The following MGAT4C variants were observed in gnomAD, a reference collection of about 807,000 sequenced individuals.
MGAT4C encodes the protein MGAT4 family member C, also known as alpha-1,3-mannosyl-glycoprotein 4-beta-N-acetylglucosaminyltransferase C.
In MGAT4C, 19 loss-of-function variants were observed where a neutral mutation model predicts 40.1. The ratio of observed to expected loss-of-function variants is 0.47; its 90% CI spans 0.33 to 0.70. MGAT4C has a LOEUF of 0.70. MGAT4C is among the 30% of genes least tolerant of loss of function. The probability of loss-of-function intolerance (pLI) is 0.02; values close to 1 mark genes in which losing one functional copy is unlikely to be tolerated. For missense variants in MGAT4C, 491 were observed against 563.2 expected, an observed-to-expected ratio of 0.87 and a Z score of 1.30; for synonymous variants, 181 against 187.1, an observed-to-expected ratio of 0.97 and a Z score of 0.27.
intron 1 of MGAT4C, among the ~76,000 whole-genome samples, chr12:86,079,516 T>C (rs1185490051): frequency 4.4e-4 from 67 of 152,208 alleles, no homozygotes; most frequent in Non-Finnish European, 1.5e-5. Context: ...TTAAAATATC[T>C]AAGGACAGCC....
chr12:86,060,020 A>G lies in MGAT4C; in HGVS notation c.-56-10297T>C, dbSNP rs545119565. On this transcript the variant is annotated intron_variant, in intron 1 of 4. Transcript: ENST00000611864. ...TTTTCTTTTGTTATTTCTTGGAGGG[A>G]GAGAGGGAAACACGCAAACATGGCT... 7.9e-4 allele frequency among the ~76,000 whole-genome samples: 120 copies of G among 152,284 alleles called. 1 individual carries two copies. The highest frequency in any genetic ancestry group is 3.5e-3 in the Admixed American group (54 of 15,292).
intron 1 of MGAT4C, among the ~76,000 whole-genome samples, chr12:86,743,045 TGCATGTGTGTA>T (rs892201275): frequency 1.4e-5 from 2 of 147,004 alleles, no homozygotes; most frequent in Non-Finnish European, 3.0e-5. Context: ...ATGTGTGTTT[TGCATGTGTGTA>T]TGTGTATGTG....
intron 4 of MGAT4C, among the ~76,000 whole-genome samples, chr12:86,317,377 G>A (rs1285324573): frequency 1.3e-5 from 2 of 151,984 alleles, no homozygotes; most frequent in Non-Finnish European, 2.9e-5. Context: ...TTAAAAATAG[G>A]GATATACATT....
intron 2 of MGAT4C, among the ~76,000 whole-genome samples, chr12:86,693,488 T>C (rs1173950493): frequency 6.6e-6 from 1 of 152,176 alleles, no homozygotes; most frequent in Admixed American, 6.5e-5. Context: ...TTGATATCAG[T>C]CTTATCTAAA....
rs146850168 is a variant in MGAT4C, at chr12:86,597,749, C to G, written c.-229+129460G>C. 4.4e-3 allele frequency among the ~76,000 whole-genome samples: 663 copies of G among 152,168 alleles called. 4 individuals carry two copies. Among genetic ancestry groups the G allele is most frequent in the Non-Finnish European group, 5.7e-3 (389 of 68,022 alleles). On this transcript the variant is annotated intron_variant, in intron 2 of 7. Coordinates refer to the MGAT4C transcript ENST00000548651. ...TATCCTGATGATTTCATCCCCTATT[C>G]CCCTCTCAATCAATCACCCCAATTT...
chr12:86,049,527 A>AG (rs1892705251), intron 2 of MGAT4C, 147 bp downstream of exon 2: 1 of 215,078 alleles, frequency 4.6e-6, no homozygotes, highest in South Asian at 1.7e-4. Flanking sequence ...ACACTATTGA[A>AG]GAAATAACAT....
chr12:86,826,588 C>T (rs1045228143), intron 1 of MGAT4C, among the ~76,000 whole-genome samples: 2 of 151,426 alleles, frequency 1.3e-5, no homozygotes, highest in African/African-American at 4.8e-5. Context: ...TTACCCAAAA[C>T]AGTTCATTGA....
At chr12:86,080,614 C>T (rs1353267260) in intron 1 of MGAT4C, among the ~76,000 whole-genome samples, 1 of 152,154 alleles carries the variant, frequency 6.6e-6, no homozygotes, top group Non-Finnish European at 1.5e-5. Context: ...CACGCACCCA[C>T]ACACACCGGT....
Position 85,979,553 on chromosome 12 carries a change from T to G in MGAT4C, c.1173A>C (p.Lys391Asn). ...IVFENPIIIKKIKVNTGTEDR... is the reference protein window; with the variant it reads ...IVFENPIIIKNIKVNTGTEDR... ...CTTCTGTTCCAGTATTTACTTTAAT[T>G]TTTTTTATTATAATTGGATTTTCAA... The change falls in exon 5 of 5, where the codon AAA (lysine) becomes AAC (asparagine). Residue 391 changes from lysine to asparagine, a missense_variant. Physicochemically the swap from Lys to Asn is moderately conservative, Grantham distance 94. Coordinates refer to ENST00000611864, the MANE Select transcript of MGAT4C (RefSeq NM_001351288.2). 2 of 1,609,702 alleles carry G rather than the reference T, an allele frequency of 1.2e-6. No homozygotes were observed. Among genetic ancestry groups the G allele is most frequent in the Non-Finnish European group, 1.7e-6 (2 of 1,178,274 alleles).
At chr12:86,761,375 G>A (rs1406801499) in intron 1 of MGAT4C, among the ~76,000 whole-genome samples, 1 of 152,100 alleles carries the variant, frequency 6.6e-6, no homozygotes, top group Non-Finnish European at 1.5e-5. Context: ...TATTTACAAA[G>A]ACATTGTATT....
chr12:86,646,520 G>C (rs1963547329), intron 2 of MGAT4C, among the ~76,000 whole-genome samples: 1 of 151,868 alleles, frequency 6.6e-6, no homozygotes, highest in African/African-American at 2.4e-5. Flanking sequence ...AAGTTCTCTA[G>C]AGAAAAGAAA....
intron 2 of MGAT4C, among the ~76,000 whole-genome samples, chr12:86,019,748 G>A (rs961496961): frequency 1.8e-4 from 28 of 152,080 alleles, no homozygotes; most frequent in African/African-American, 6.8e-4. Context: ...GTAGCTTGAT[G>A]GGGATGGCAT....
intron 1 of MGAT4C, among the ~76,000 whole-genome samples, chr12:86,748,577 C>T (rs1951187417): frequency 6.6e-6 from 1 of 151,536 alleles, no homozygotes; most frequent in South Asian, 2.1e-4. Flanking sequence ...GAACTGGAGG[C>T]CATGCTGAAT....
At chr12:86,628,796 C>A (rs1392752787) in intron 2 of MGAT4C, among the ~76,000 whole-genome samples, 1 of 152,156 alleles carries the variant, frequency 6.6e-6, no homozygotes, top group African/African-American at 2.4e-5. Flanking sequence ...AAAAACATGC[C>A]AAATTGTAAA....
At chr12:86,244,169 C>G (rs545659175) in intron 1 of MGAT4C, among the ~76,000 whole-genome samples, 1 of 152,308 alleles carries the variant, frequency 6.6e-6, no homozygotes, top group East Asian at 1.9e-4. Context: ...CCTGTACTTT[C>G]TAGAATGCTT....
intron 4 of MGAT4C, among the ~76,000 whole-genome samples, chr12:86,330,248 T>TC (rs1166364787): frequency 6.6e-6 from 1 of 152,172 alleles, no homozygotes; most frequent in Non-Finnish European, 1.5e-5. Flanking sequence ...GCCAAGTTAC[T>TC]CCCCAGTTTA....
intron 2 of MGAT4C, among the ~76,000 whole-genome samples, chr12:86,676,985 G>A (rs1010420739): frequency 1.3e-5 from 2 of 152,064 alleles, no homozygotes; most frequent in Admixed American, 1.3e-4. Flanking sequence ...AAGGACCTGT[G>A]TAGTCAGGAG....
intron 1 of MGAT4C, among the ~76,000 whole-genome samples, chr12:86,146,254 G>A (rs1048665137): frequency 6.6e-5 from 10 of 152,046 alleles, no homozygotes; most frequent in Non-Finnish European, 8.8e-5. Context: ...TATGGCTGGC[G>A]GGTTATTCTG....
At chr12:86,325,377 T>C (rs1359881840) in intron 4 of MGAT4C, among the ~76,000 whole-genome samples, 2 of 152,058 alleles carry the variant, frequency 1.3e-5, no homozygotes, top group Non-Finnish European at 2.9e-5. Flanking sequence ...AGCTACACTA[T>C]GTAGAGTGAA....
Sources: allele counts gnomAD v4.1 joint callset (sites outside exome capture counted in the v4.1 genomes callset), GRCh38; gene constraint gnomAD v4.1.1; transcripts MANE v1.5; gene names NCBI Gene and HGNC (gene_info 2026-07-23, HGNC 2026-07-21).